Variants in TRERF1 observed in about 807,000 individuals in gnomAD.
The protein encoded by TRERF1 is transcriptional regulating factor 1, also known as transcriptional-regulating factor 1.
A neutral mutation model predicts 122.9 loss-of-function variants in TRERF1; 27 were observed. That is an observed-to-expected ratio of 0.22 (90% CI 0.16 to 0.30). The LOEUF (loss-of-function observed/expected upper bound fraction) is 0.30, where lower values mean the gene tolerates loss of function less well. Among genes scored for constraint, TRERF1 ranks in the 10% least tolerant of loss-of-function variants. TRERF1 has a pLI of 1.00. For missense variants in TRERF1, 1,248 were observed against 1,560.3 expected, an observed-to-expected ratio of 0.80 and a Z score of 3.37; for synonymous variants, 636 against 641.7, an observed-to-expected ratio of 0.99 and a Z score of 0.13.
intron 3 of TRERF1, among the ~76,000 whole-genome samples, chr6:42,326,506 G>A (rs540569323): frequency 2.0e-5 from 3 of 152,302 alleles, no homozygotes; most frequent in African/African-American, 7.2e-5. Context: ...GGTGGGTGGG[G>A]CCCAGGGCAA....
At position 42,275,599 on chromosome 6, in the gene TRERF1, C is replaced by T. The variant is rs952232402; in HGVS notation, c.-258-5751G>A. On this transcript the variant is annotated intron_variant, in intron 4 of 17. Transcript: ENST00000372922. This position sits in a 1 kb window ranked among gnomAD's most constrained non-coding sequence, Gnocchi z 4.1. Reference sequence around the variant, plus strand: ...TGGGACATAGCAGATGCTCAACAAACGCTCACTGAACTGCAACACTGCGCT... The same window carrying T: ...TGGGACATAGCAGATGCTCAACAAATGCTCACTGAACTGCAACACTGCGCT... 7.2e-5 allele frequency among the ~76,000 whole-genome samples: 11 copies of T among 152,230 alleles called. No homozygotes were observed. Among genetic ancestry groups the T allele is most frequent in the African/African-American group, 2.2e-4 (9 of 41,458 alleles).
In TRERF1 at chr6:42,393,663, T is replaced by C. The variant is rs1778113164; in HGVS notation, c.-453-30584A>G. ...CTGCATTCCCAAATCCGCTGCAGCA[T>C]TAGGTGAATGAGCAAAAGAAATGGA... On this transcript the variant is annotated intron_variant, in intron 2 of 17. Coordinates refer to ENST00000372922, the Ensembl canonical transcript of TRERF1. The surrounding 1 kb of genome is among the most constrained non-coding windows in gnomAD (Gnocchi z 4.1). Among the ~76,000 whole-genome samples the C allele has an allele frequency of 6.6e-6, 1 of 152,158 alleles. No homozygotes were observed. The highest frequency in any genetic ancestry group is 2.1e-4 in the South Asian group (1 of 4,832).
At chr6:42,411,535 G>C (rs527844766) in intron 2 of TRERF1, among the ~76,000 whole-genome samples, 1 of 152,306 alleles carries the variant, frequency 6.6e-6, no homozygotes, top group African/African-American at 2.4e-5. Flanking sequence ...ACAGGAACGA[G>C]GCAGGAGGCC....
intron 14 of TRERF1, among the ~76,000 whole-genome samples, chr6:42,244,896 T>A (rs975499553): frequency 9.2e-5 from 14 of 152,222 alleles, no homozygotes; most frequent in African/African-American, 3.4e-4. Context: ...TATGATCAGG[T>A]GAGGTGTAAT....
intron 2 of TRERF1, among the ~76,000 whole-genome samples, chr6:42,423,993 CAA>C (rs1285360850): frequency 6.6e-6 from 1 of 152,188 alleles, no homozygotes; most frequent in Non-Finnish European, 1.5e-5. Context: ...TTGGAATATT[CAA>C]AGTCTTGTTT....
intron 3 of TRERF1, among the ~76,000 whole-genome samples, chr6:42,345,156 A>C (rs1180684121): frequency 6.6e-6 from 1 of 152,236 alleles, no homozygotes; most frequent in Non-Finnish European, 1.5e-5. Flanking sequence ...GGACAGAAAA[A>C]AATGTCTAGA....
chr6:42,322,696 G>C (rs1763642437), intron 3 of TRERF1, among the ~76,000 whole-genome samples: 1 of 152,210 alleles, frequency 6.6e-6, no homozygotes, highest in Admixed American at 6.5e-5. Flanking sequence ...CTAAGTATGA[G>C]ACTAAGTATG....
At chr6:42,240,825 G>T (rs1423790446) in intron 15 of TRERF1, among the ~76,000 whole-genome samples, 1 of 152,208 alleles carries the variant, frequency 6.6e-6, no homozygotes, top group African/African-American at 2.4e-5. Flanking sequence ...CATACACATT[G>T]CTGTTTACAT....
chr6:42,280,175 A>G (rs1000773009), intron 4 of TRERF1, among the ~76,000 whole-genome samples: 1 of 151,942 alleles, frequency 6.6e-6, no homozygotes, highest in Non-Finnish European at 1.5e-5. Flanking sequence ...CTTTTAAGAT[A>G]AGGGGGCTCG....
At chr6:42,375,352 T>C (rs1219114062) in intron 2 of TRERF1, among the ~76,000 whole-genome samples, 1 of 152,200 alleles carries the variant, frequency 6.6e-6, no homozygotes, top group African/African-American at 2.4e-5. Context: ...GAGCCACCCT[T>C]TGCTCATCAT....
intron 2 of TRERF1, among the ~76,000 whole-genome samples, chr6:42,415,937 C>CA (rs1781770588): frequency 6.6e-6 from 1 of 152,104 alleles, no homozygotes; most frequent in Non-Finnish European, 1.5e-5. Context: ...ACTTTTATAA[C>CA]ACTGACTCTT....
chr6:42,365,587 A>G (rs1699599626), intron 2 of TRERF1, among the ~76,000 whole-genome samples: 2 of 152,138 alleles, frequency 1.3e-5, no homozygotes, highest in Non-Finnish European at 2.9e-5. Context: ...AAATCCTCAA[A>G]CAAGAGTCCT....
intron 2 of TRERF1, among the ~76,000 whole-genome samples, chr6:42,372,116 A>G (rs535522478): frequency 6.6e-6 from 1 of 152,258 alleles, no homozygotes; most frequent in Non-Finnish European, 1.5e-5. Flanking sequence ...CAGAAGCCAG[A>G]GGTTGCAGTG....
At chr6:42,252,785 C>T (rs1290335420) in intron 13 of TRERF1, among the ~76,000 whole-genome samples, 1 of 152,214 alleles carries the variant, frequency 6.6e-6, no homozygotes, top group Non-Finnish European at 1.5e-5. Context: ...ACTTCAGAGA[C>T]CAGTGACCTC....
intron 2 of TRERF1, among the ~76,000 whole-genome samples, chr6:42,394,438 G>A (rs112473375): frequency 1.3e-5 from 2 of 152,196 alleles, no homozygotes; most frequent in Non-Finnish European, 2.9e-5. Context: ...CAGTAAGCCA[G>A]GGCTTCACAT....
chr6:42,285,680 T>A (rs986549228), intron 4 of TRERF1, among the ~76,000 whole-genome samples: 6 of 151,374 alleles, frequency 4.0e-5, no homozygotes, highest in African/African-American at 1.5e-4. Flanking sequence ...TTATTGAGAG[T>A]TTTTAGCATG....
intron 12 of TRERF1, 81 bp from the exon 13 acceptor site, chr6:42,255,007 A>G (rs1776477350): frequency 2.1e-6 from 3 of 1,460,304 alleles, no homozygotes; most frequent in Non-Finnish European, 2.9e-6. Context: ...CAAAGGGGAA[A>G]AGCGGTTAGC....
chr6:42,408,872 T>C (rs1300240751), intron 2 of TRERF1, among the ~76,000 whole-genome samples: 1 of 152,204 alleles, frequency 6.6e-6, no homozygotes, highest in Non-Finnish European at 1.5e-5. Context: ...ATTTATAACA[T>C]ATGATGTGAG....
At chr6:42,294,656 AC>A (rs1486869407) in intron 4 of TRERF1, among the ~76,000 whole-genome samples, 3 of 152,142 alleles carry the variant, frequency 2.0e-5, no homozygotes, top group Non-Finnish European at 4.4e-5. Context: ...CTCTTTAAGC[AC>A]AGGAGCTCTT....
Sources: gnomAD v4.1 joint callset for allele counts (sites outside exome capture counted in the v4.1 genomes callset) on GRCh38, gnomAD v4.1.1 for gene constraint, Gnocchi (gnomAD v3.1) non-coding constraint, MANE v1.5 for transcripts, NCBI Gene and HGNC (gene_info 2026-07-23, HGNC 2026-07-21) for gene names.